The following PCDH15 variants were observed in gnomAD, a reference collection of about 807,000 sequenced individuals.
PCDH15 encodes protocadherin-15.
Under a neutral mutation model 178.5 loss-of-function variants are expected in PCDH15, and 129 were observed. The ratio of observed to expected loss-of-function variants is 0.72; its 90% CI spans 0.63 to 0.84. The LOEUF (loss-of-function observed/expected upper bound fraction) is 0.84. PCDH15 is among the 40% of genes least tolerant of loss of function. The pLI, the probability that PCDH15 is intolerant of heterozygous loss-of-function variation, is 0.00. For synonymous variants in PCDH15, 800 were observed against 732.0 expected (o/e 1.09, Z -1.50); for missense variants, 2,230 against 2,099.9 (o/e 1.06, Z -1.21).
intron 1 of PCDH15, among the ~76,000 whole-genome samples, chr10:55,171,005 T>C (rs1210352648): frequency 2.0e-5 from 3 of 152,248 alleles, no homozygotes; most frequent in Non-Finnish European, 4.4e-5. Context: ...GGTTCCTTTT[T>C]TGCTGGTCCT....
chr10:54,266,312 T>A (rs2057686002), intron 8 of PCDH15, among the ~76,000 whole-genome samples: 1 of 151,448 alleles, frequency 6.6e-6, no homozygotes, highest in Non-Finnish European at 1.5e-5. Flanking sequence ...ACGATAGCAG[T>A]TTAAAGAGGA....
chr10:54,247,867 C>CAA (rs570243081), intron 8 of PCDH15, among the ~76,000 whole-genome samples: 14 of 122,100 alleles, frequency 1.1e-4, no homozygotes, highest in African/African-American at 4.3e-4. Context: ...GACTCTTTCT[C>CAA]AAAAAAAAAA....
At position 53,890,695 on chromosome 10, in the gene PCDH15, C is replaced by A. The variant is rs181900133; in HGVS notation, c.3501+12548G>T. Among the ~76,000 whole-genome samples, 305 of 151,892 alleles carry A rather than the reference C, an allele frequency of 2.0e-3. 2 individuals are homozygous for A. Among genetic ancestry groups the A allele is most frequent in the African/African-American group, 7.2e-3 (298 of 41,398 alleles). ...TTCTGGATCAACTTGATGGAGATGC[C>A]TAGTTTAGATGTTATTTTTGTTCAC... is the stretch of plus-strand genomic sequence containing the variant. On this transcript the variant is annotated intron_variant, in intron 26 of 37. Transcript: ENST00000644397.
chr10:54,827,642 A>G (rs1005601270), intron 3 of PCDH15, among the ~76,000 whole-genome samples: 20 of 152,060 alleles, frequency 1.3e-4, no homozygotes, highest in African/African-American at 4.3e-4. Context: ...AACATAGAAG[A>G]TCTGGCAGAA....
intron 1 of PCDH15, among the ~76,000 whole-genome samples, chr10:54,769,800 TC>T (rs1948892023): frequency 6.6e-6 from 1 of 152,076 alleles, no homozygotes; most frequent in Non-Finnish European, 1.5e-5. Context: ...TGAAATCTGT[TC>T]TTTGCAACTC....
chr10:55,561,008 C>A (rs1842186429), intron 2 of PCDH15, among the ~76,000 whole-genome samples: 1 of 151,654 alleles, frequency 6.6e-6, no homozygotes, highest in African/African-American at 2.4e-5. Flanking sequence ...AAAACAAATT[C>A]AATAATTCAT....
chr10:55,228,590 T>C (rs1391707691), intron 1 of PCDH15, among the ~76,000 whole-genome samples: 1 of 152,006 alleles, frequency 6.6e-6, no homozygotes, highest in Non-Finnish European at 1.5e-5. Flanking sequence ...AGTTATCAAA[T>C]ACATGTATGT....
chr10:54,338,856 C>G (rs11004245), intron 6 of PCDH15, among the ~76,000 whole-genome samples: 1 of 150,914 alleles, frequency 6.6e-6, no homozygotes, highest in African/African-American at 2.5e-5. Flanking sequence ...TGCCTCCAGT[C>G]TGGCATTAAA....
intron 2 of PCDH15, among the ~76,000 whole-genome samples, chr10:54,556,502 T>A (rs769661390): frequency 2.0e-5 from 3 of 152,128 alleles, no homozygotes; most frequent in Admixed American, 6.5e-5. Flanking sequence ...CAAAGAAAAA[T>A]TAGAATTTTG....
At chr10:54,528,972 G>A (rs769875432) in intron 2 of PCDH15, among the ~76,000 whole-genome samples, 1 of 152,016 alleles carries the variant, frequency 6.6e-6, no homozygotes, top group Non-Finnish European at 1.5e-5. Flanking sequence ...AGAGGGCTAT[G>A]TCATGCAGTT....
At chr10:53,932,926 A>C (rs1187017270) in intron 25 of PCDH15, among the ~76,000 whole-genome samples, 1 of 152,032 alleles carries the variant, frequency 6.6e-6, no homozygotes, top group Non-Finnish European at 1.5e-5. Context: ...GTGAGTTCTC[A>C]CAAGATCTGG....
chr10:53,864,368 C>T (rs2079302967), intron 27 of PCDH15, among the ~76,000 whole-genome samples: 1 of 152,190 alleles, frequency 6.6e-6, no homozygotes, highest in Non-Finnish European at 1.5e-5. Context: ...CATCTCCCCA[C>T]ACCCCACCTG....
At chr10:54,183,939 A>T (rs2048247735) in intron 12 of PCDH15, among the ~76,000 whole-genome samples, 1 of 152,106 alleles carries the variant, frequency 6.6e-6, no homozygotes, top group Admixed American at 6.6e-5. Flanking sequence ...GGAAAATATT[A>T]TTTGCATTTA....
intron 3 of PCDH15, among the ~76,000 whole-genome samples, chr10:54,484,341 G>A (rs1249464630): frequency 6.6e-6 from 1 of 151,874 alleles, no homozygotes; most frequent in East Asian, 1.9e-4. Flanking sequence ...GCACTCAAGG[G>A]ACTCACTCAA....
intron 2 of PCDH15, among the ~76,000 whole-genome samples, chr10:55,066,331 C>A (rs967562960): frequency 2.0e-5 from 3 of 150,448 alleles, no homozygotes; most frequent in African/African-American, 7.3e-5. Context: ...TTTTACTGTT[C>A]TCTTGGGATT....
At chr10:54,336,843 T>G (rs540216957) in intron 6 of PCDH15, among the ~76,000 whole-genome samples, 14 of 152,218 alleles carry the variant, frequency 9.2e-5, no homozygotes, top group Admixed American at 9.2e-4. Flanking sequence ...GATTTACTGA[T>G]AGTTTGCACT....
intron 1 of PCDH15, among the ~76,000 whole-genome samples, chr10:54,743,736 G>A (rs1022017085): frequency 6.6e-6 from 1 of 151,598 alleles, no homozygotes; most frequent in African/African-American, 2.4e-5. Context: ...CCTAAATACT[G>A]CTCCTAAATA....
At chr10:54,960,334 T>C (rs1343513097) in intron 2 of PCDH15, among the ~76,000 whole-genome samples, 3 of 152,150 alleles carry the variant, frequency 2.0e-5, no homozygotes, top group Non-Finnish European at 4.4e-5. Context: ...TAAGAAAATA[T>C]ATGAGAAGTT....
intron 2 of PCDH15, among the ~76,000 whole-genome samples, chr10:54,662,854 T>C (rs548943205): frequency 3.3e-5 from 5 of 152,122 alleles, no homozygotes; most frequent in Non-Finnish European, 5.9e-5. Flanking sequence ...TCTTGAACTA[T>C]AGAGTCACAA....
Sources: allele counts gnomAD v4.1 joint callset (sites outside exome capture counted in the v4.1 genomes callset), GRCh38; gene constraint gnomAD v4.1.1; transcripts MANE v1.5; gene names NCBI Gene and HGNC (gene_info 2026-07-23, HGNC 2026-07-21).